The following GOLGA4 variants were observed in gnomAD, a reference collection of about 807,000 sequenced individuals.
GOLGA4 encodes the protein golgin A4.
Under a neutral mutation model 265.9 loss-of-function variants are expected in GOLGA4, and 169 were observed. The ratio of observed to expected loss-of-function variants is 0.64; its 90% CI spans 0.56 to 0.72. The LOEUF is 0.72. Ranked by LOEUF, GOLGA4 falls within the 30% of genes least tolerant of loss-of-function variation. The probability of loss-of-function intolerance (pLI) is 0.00; values close to 1 mark genes in which losing one functional copy is unlikely to be tolerated. For missense variants in GOLGA4, 2,482 were observed against 2,483.4 expected (o/e 1.00, Z 0.01); for synonymous variants, 923 against 855.8 (o/e 1.08, Z -1.37).
chr3:37,243,739 C>G (rs1203948915), intron 1 of GOLGA4, 117 bp downstream of exon 1: 6 of 815,808 alleles, frequency 7.4e-6, no homozygotes, highest in Non-Finnish European at 9.8e-6. Context: ...CTAACCCGCA[C>G]TTTTCCCAAA....
chr3:37,319,401 T>C (rs1401591514), intron 12 of GOLGA4: 2 of 328,660 alleles, frequency 6.1e-6, no homozygotes, highest in African/African-American at 4.3e-5. Context: ...TAACACACTT[T>C]CTTTTTTTTA....
chr3:37,322,362 A>T (rs1215001984), intron 13 of GOLGA4, among the ~76,000 whole-genome samples: 1 of 152,168 alleles, frequency 6.6e-6, no homozygotes, highest in Non-Finnish European at 1.5e-5. Flanking sequence ...TCCCGTAATG[A>T]ACATATTTGT....
rs192892210 is a variant in GOLGA4, at chr3:37,259,054, A to G, written c.162+7570A>G. On this transcript the variant is annotated intron_variant, in intron 2 of 23. Coordinates refer to ENST00000361924, the MANE Select transcript of GOLGA4 (RefSeq NM_002078.5). ...TTTCAAGAGTTTGTGAAGAATTGCT[A>G]TTAATTCTTTAAATGTTTGGTAGAA... Among the ~76,000 whole-genome samples, 7 of 152,250 alleles carry G rather than the reference A, an allele frequency of 4.6e-5. No homozygotes were observed. In the East Asian group the frequency reaches 1.3e-3, roughly 29 times the overall value.
intron 16 of GOLGA4, among the ~76,000 whole-genome samples, chr3:37,331,710 T>C (rs796413100): frequency 6.6e-6 from 1 of 152,204 alleles, no homozygotes; most frequent in East Asian, 1.9e-4. Flanking sequence ...AATAGCAAGT[T>C]TGAGCACAGG....
At chr3:37,289,516 A>G (rs1380636942) in intron 5 of GOLGA4, among the ~76,000 whole-genome samples, 3 of 152,208 alleles carry the variant, frequency 2.0e-5, no homozygotes, top group Non-Finnish European at 2.9e-5. Context: ...CAGAATATCA[A>G]TTGTCTGCAT....
At chr3:37,249,475 T>G (rs1316196498) in intron 1 of GOLGA4, among the ~76,000 whole-genome samples, 2 of 152,098 alleles carry the variant, frequency 1.3e-5, no homozygotes, top group African/African-American at 4.8e-5. Flanking sequence ...AGTGTAGTGG[T>G]GCAATCTTGG....
At chr3:37,301,520 G>C (rs2096892552) in intron 9 of GOLGA4, among the ~76,000 whole-genome samples, 1 of 152,206 alleles carries the variant, frequency 6.6e-6, no homozygotes, top group African/African-American at 2.4e-5. Context: ...TGCCAAGCCA[G>C]GTTCAGAAGA....
At chr3:37,251,538 T>C in intron 2 of GOLGA4, 54 bp downstream of exon 2, 6 of 1,087,978 alleles carry the variant, frequency 5.5e-6, no homozygotes, top group South Asian at 1.3e-5. Flanking sequence ...TAATCTAAAA[T>C]GTATGCTGTT....
At chr3:37,310,113 G>A (rs2096919006) in intron 10 of GOLGA4, among the ~76,000 whole-genome samples, 1 of 152,158 alleles carries the variant, frequency 6.6e-6, no homozygotes, top group Non-Finnish European at 1.5e-5. Flanking sequence ...CAGCTTGTTA[G>A]GATCATCAGT....
intron 2 of GOLGA4, among the ~76,000 whole-genome samples, chr3:37,265,164 TTTA>T (rs1213061281): frequency 6.6e-6 from 1 of 151,834 alleles, no homozygotes; most frequent in East Asian, 1.9e-4. Flanking sequence ...TCTATACAAT[TTTA>T]TTATGTGTAG....
At chr3:37,305,699 A>G (rs2096904276) in intron 10 of GOLGA4, among the ~76,000 whole-genome samples, 1 of 152,252 alleles carries the variant, frequency 6.6e-6, no homozygotes, top group African/African-American at 2.4e-5. Context: ...ATATCATTAC[A>G]GCTTGCTATT....
At chr3:37,273,739 G>A (rs2150729173) in intron 2 of GOLGA4, 1 of 573,158 alleles carries the variant, frequency 1.7e-6, no homozygotes, top group African/African-American at 1.9e-5. Context: ...GTAAACACAG[G>A]TTTGCTCATG....
chr3:37,362,856 C>G (rs1278680550), intron 23 of GOLGA4, among the ~76,000 whole-genome samples: 2 of 141,036 alleles, frequency 1.4e-5, no homozygotes, highest in Non-Finnish European at 3.0e-5. Flanking sequence ...GTTTTTGGCT[C>G]ACTGCAAGCC....
chr3:37,288,706 C>T (rs2096857016), intron 4 of GOLGA4, among the ~76,000 whole-genome samples: 1 of 151,732 alleles, frequency 6.6e-6, no homozygotes, highest in Admixed American at 6.6e-5. Context: ...TCTCGATCTC[C>T]TGACCTCGTG....
chr3:37,344,709 G>A (rs940202828), intron 20 of GOLGA4, among the ~76,000 whole-genome samples: 3 of 151,888 alleles, frequency 2.0e-5, no homozygotes, highest in Non-Finnish European at 4.4e-5. Context: ...TTTTCTTTAA[G>A]AATTGTTTAT....
chr3:37,321,678 G>T, intron 12 of GOLGA4, 53 bp from the exon 13 acceptor site: 1 of 1,502,588 alleles, frequency 6.7e-7, no homozygotes, highest in Non-Finnish European at 9.0e-7. Context: ...AGTACTTTGC[G>T]AATGCTGAAG....
intron 2 of GOLGA4, among the ~76,000 whole-genome samples, chr3:37,252,367 T>C (rs1464377317): frequency 2.0e-5 from 3 of 151,190 alleles, no homozygotes; most frequent in Non-Finnish European, 4.4e-5. Flanking sequence ...GCTTTCTAAA[T>C]GTAAACATTG....
At chr3:37,248,202 T>C (rs187277329) in intron 1 of GOLGA4, among the ~76,000 whole-genome samples, 2 of 152,346 alleles carry the variant, frequency 1.3e-5, no homozygotes, top group African/African-American at 4.8e-5. Flanking sequence ...CTTGAACTCC[T>C]GGCCTCAAGT....
At chr3:37,339,370 G>A (rs2097025272) in intron 19 of GOLGA4, among the ~76,000 whole-genome samples, 2 of 152,154 alleles carry the variant, frequency 1.3e-5, no homozygotes, top group African/African-American at 2.4e-5. Context: ...TTGATATACA[G>A]GTTTTTGTTT....
Sources: gnomAD v4.1 joint callset for allele counts (sites outside exome capture counted in the v4.1 genomes callset) on GRCh38, gnomAD v4.1.1 for gene constraint, MANE v1.5 for transcripts, NCBI Gene and HGNC (gene_info 2026-07-23, HGNC 2026-07-21) for gene names.